Variants in LMOD3 observed in about 807,000 individuals in gnomAD.
The protein encoded by LMOD3 is leiomodin 3.
LMOD3 carries 31 observed loss-of-function variants against 41.8 expected under a neutral mutation model. The observed-to-expected ratio is 0.74, with a 90% CI of 0.56 to 1.00. The LOEUF is 1.00. Ranked by LOEUF, LMOD3 falls within the 50% of genes least tolerant of loss-of-function variation. LMOD3 has a pLI of 0.00. For missense variants in LMOD3, 755 were observed against 679.5 expected, an observed-to-expected ratio of 1.11 and a Z score of -1.23; for synonymous variants, 292 against 241.9, an observed-to-expected ratio of 1.21 and a Z score of -1.92.
chr3:69,110,704 G>T (rs141165977), intron 2 of LMOD3, among the ~76,000 whole-genome samples: 1 of 147,508 alleles, frequency 6.8e-6, no homozygotes, highest in East Asian at 2.1e-4. Context: ...TTAGCTGGGC[G>T]TGGTGGCACG....
intron 2 of LMOD3, among the ~76,000 whole-genome samples, chr3:69,110,853 A>AAAAAAAAAAAAAAAAAAAATATATATAT (rs1458630453): frequency 7.7e-5 from 8 of 104,094 alleles, no homozygotes; most frequent in African/African-American, 3.4e-4. Flanking sequence ...AAAAAAAAAA[A>AAAAAAAAAAAAAAAAAAAATATATATAT]ATATATATAT....
chr3:69,114,096 A>C (rs2092361077), intron 2 of LMOD3, among the ~76,000 whole-genome samples: 1 of 152,254 alleles, frequency 6.6e-6, no homozygotes, highest in Non-Finnish European at 1.5e-5. Flanking sequence ...ACAAAGCAGT[A>C]AGGGCAAAAG....
chr3:69,106,189 A>G lies in LMOD3; in HGVS notation c.*2906T>C, dbSNP rs1204419409. 6.6e-6 allele frequency: 1 copy of G among 152,366 alleles called. No homozygotes were observed. The highest frequency in any genetic ancestry group is 2.4e-5 in the African/African-American group (1 of 41,452). 9.4% of individuals were successfully genotyped at this position (152,366 alleles called of 1,614,324 possible). On this transcript the variant is annotated 3_prime_UTR_variant, in exon 3 of 3. Coordinates refer to ENST00000420581, the MANE Select transcript of LMOD3 (RefSeq NM_198271.5). ...AAATACTGTTTAGTAAAGCTTGAAT[A>G]CTTTATTAACTTGCAGCCAGAATAA...
chr3:69,113,626 TGGATG>T (rs1333186124), intron 2 of LMOD3, among the ~76,000 whole-genome samples: 13 of 152,238 alleles, frequency 8.5e-5, no homozygotes, highest in African/African-American at 3.1e-4. Flanking sequence ...TTTAGCCAAC[TGGATG>T]GGAGCAGTCC....
At chr3:69,118,424 C>A (rs2092387338) in intron 2 of LMOD3, among the ~76,000 whole-genome samples, 1 of 152,114 alleles carries the variant, frequency 6.6e-6, no homozygotes. Context: ...TGAGTTAATT[C>A]ATATAACAAC....
Position 69,110,853 on chromosome 3 carries a change from A to AAAAAAAAAATAT in LMOD3, c.1657-1733_1657-1732insATATTTTTTTTT, listed in dbSNP as rs1458630453. Among the ~76,000 whole-genome samples the AAAAAAAAAATAT allele has an allele frequency of 1.2e-3, 121 of 104,080 alleles. 1 individual carries two copies. Among genetic ancestry groups the AAAAAAAAAATAT allele is most frequent in the African/African-American group, 5.6e-3 (117 of 20,772 alleles). The allele number at this position is 104,080 out of a possible 152,430, so 68.3% of individuals were successfully genotyped here. A position where few individuals can be genotyped will look rare whatever the true frequency, so the allele number is the denominator to read the frequency against. On this transcript the variant is annotated intron_variant, in intron 2 of 2. Coordinates refer to ENST00000420581, the MANE Select transcript of LMOD3 (RefSeq NM_198271.5). ...GACACCATCTCAAAAAAAAAAAAAA[A>AAAAAAAAAATAT]ATATATATATATATATATATATATT...
chr3:69,109,554 G>A (rs1282749187), intron 2 of LMOD3, among the ~76,000 whole-genome samples: 1 of 129,804 alleles, frequency 7.7e-6, no homozygotes, highest in East Asian at 2.5e-4. Flanking sequence ...TTGAGATGGA[G>A]TCTCAGTCTA....
At chr3:69,121,462 A>G in intron 1 of LMOD3, among the ~76,000 whole-genome samples, 1 of 152,234 alleles carries the variant, frequency 6.6e-6, no homozygotes, top group Admixed American at 6.5e-5. Context: ...ATGCTCATGC[A>G]CAGTAAGTTT....
Position 69,118,789 on chromosome 3 carries a change from C to T in LMOD3, c.1566G>A (p.Pro522=), listed in dbSNP as rs765741615. ...CCACCAATGGGGGTGGCCTGTTTCT[C>T]GGCACTGGCTTGAGCGTTTTGATGA... The part of the protein sequence containing the change: ...KDVIKTLKPV[P]RNRPPPLVEI... Residue 522 remains proline (P), a synonymous_variant, in exon 2 of 3, where the codon CCG becomes CCA. Coordinates refer to ENST00000420581, the MANE Select transcript of LMOD3 (RefSeq NM_198271.5). 40 of 1,611,302 alleles carry T rather than the reference C, an allele frequency of 2.5e-5. No homozygotes were observed. In the East Asian group the frequency reaches 8.3e-4, roughly 33 times the overall value.
At position 69,119,013 on chromosome 3, in the gene LMOD3, G is replaced by A. The variant is rs2092391598; in HGVS notation, c.1342C>T (p.Gln448Ter). ...KPDSRMQEFF[Q>*]PPPPRPPNPQ... The stretch of plus-strand genomic sequence containing the variant: ...TTGGGAGGCCGAGGTGGCGGTGGCT[G>A]GAAGAATTCCTGCATTCTGGAATCT... Residue 448 changes from glutamine to a stop codon, truncating the protein, a stop_gained, in exon 2 of 3, where the codon CAG becomes TAG. Coordinates refer to ENST00000420581, the MANE Select transcript of LMOD3 (RefSeq NM_198271.5). LOFTEE classifies it high-confidence loss of function. 1 of 1,613,594 alleles carries A rather than the reference G, an allele frequency of 6.2e-7. No homozygotes were observed.
At chr3:69,118,636 T>C (rs1202014355) in intron 2 of LMOD3, 63 bp downstream of exon 2, 1 of 1,511,118 alleles carries the variant, frequency 6.6e-7, no homozygotes, top group Non-Finnish European at 8.9e-7. Context: ...AGAGAGGGAA[T>C]AAAGTTGGGA....
chr3:69,117,508 C>T (rs907228506), intron 2 of LMOD3, among the ~76,000 whole-genome samples: 8 of 152,084 alleles, frequency 5.3e-5, no homozygotes, highest in African/African-American at 1.2e-4. Context: ...CAATCACCTG[C>T]GGCCTCTGAA....
chr3:69,108,169 C>G lies in LMOD3; in HGVS notation c.*926G>C, dbSNP rs1410360051. ...GTTCAAGTTTAATCCTTCCTGTAAG[C>G]AAGTTTCCTTTAAAATATGTTTGAG... On this transcript the variant is annotated 3_prime_UTR_variant, in exon 3 of 3. Transcript: ENST00000420581. The G allele has an allele frequency of 2.0e-5, 3 of 152,090 alleles. No homozygotes were observed. Among genetic ancestry groups the G allele is most frequent in the African/African-American group, 4.8e-5 (2 of 41,406 alleles). The allele number at this position is 152,090 out of a possible 1,614,324, so 9.4% of individuals were successfully genotyped here. A position where few individuals can be genotyped will look rare whatever the true frequency, so the allele number is the denominator to read the frequency against.
Position 69,119,657 on chromosome 3 carries a change from C to CT in LMOD3, c.697dup (p.Arg233LysfsTer17). 1.2e-6 allele frequency: 2 copies of CT among 1,613,926 alleles called. No individual in the cohort carries two copies. The highest frequency in any genetic ancestry group is 1.7e-6 in the Non-Finnish European group (2 of 1,179,886). On this transcript the variant is annotated frameshift_variant, in exon 2 of 3. Coordinates refer to ENST00000420581, the MANE Select transcript of LMOD3 (RefSeq NM_198271.5). LOFTEE classifies it high-confidence loss of function. ...CAGGTCTGTCTGGTTTCCTGAAGGCCTTGTACTTACCTTCAAAAAGCTGGT... is the reference window on the plus strand; with the variant it reads ...CAGGTCTGTCTGGTTTCCTGAAGGCCTTTGTACTTACCTTCAAAAAGCTGGT...
chr3:69,112,857 T>A (rs747757730), intron 2 of LMOD3, among the ~76,000 whole-genome samples: 5 of 152,202 alleles, frequency 3.3e-5, no homozygotes, highest in Non-Finnish European at 7.3e-5. Flanking sequence ...GTGATTTTGA[T>A]CCACAATAAC....
At chr3:69,110,570 C>T (rs555049449) in intron 2 of LMOD3, among the ~76,000 whole-genome samples, 27 of 148,828 alleles carry the variant, frequency 1.8e-4, no homozygotes, top group African/African-American at 5.9e-4. Context: ...AGGCTGGGCG[C>T]GGTGGCTGAC....
At chr3:69,120,115 G>A (rs2107526996) in intron 1 of LMOD3, 55 bp from the exon 2 acceptor site, 2 of 1,510,074 alleles carry the variant, frequency 1.3e-6, no homozygotes, top group African/African-American at 1.4e-5. Flanking sequence ...AATATGAAGT[G>A]GAGCATCAGC....
rs1486534990 is a variant in LMOD3, at chr3:69,122,366, A to G, written c.21T>C (p.Asn7=). The G allele has an allele frequency of 2.5e-6, 4 of 1,608,512 alleles. No individual in the cohort carries two copies. The highest frequency in any genetic ancestry group is 3.4e-6 in the Non-Finnish European group (4 of 1,175,816). ...CATCGAGAAGTTCTTCTTGATCTGA[A>G]TTTCTGCTGTGCTCTGACATTATTT... MSEHSR[N]SDQEELLDEE... is the part of the protein sequence containing the mutation. The change falls in exon 1 of 3, where the codon AAT becomes AAC. Residue 7 remains asparagine, a synonymous_variant. Coordinates refer to ENST00000420581, the MANE Select transcript of LMOD3 (RefSeq NM_198271.5).
In LMOD3 at chr3:69,119,917, T is replaced by C. The variant is rs758216222; in HGVS notation, c.438A>G (p.Glu146=). The change falls in exon 2 of 3, where the codon GAA becomes GAG. Residue 146 remains glutamate, a synonymous_variant. Coordinates refer to ENST00000420581, the MANE Select transcript of LMOD3 (RefSeq NM_198271.5). Reference sequence around the variant, plus strand: ...CATCATCATCTTCTTCTTCTTCATCTTCTTCATCTGTTTCTTGGATATTGC... The same window carrying C: ...CATCATCATCTTCTTCTTCTTCATCCTCTTCATCTGTTTCTTGGATATTGC... ...GSSNIQETDE[E]DEEEEDDDDD... is the part of the protein sequence containing the mutation. The C allele has an allele frequency of 5.2e-5, 80 of 1,553,106 alleles. No individual in the cohort carries two copies. The highest frequency in any genetic ancestry group is 5.5e-5 in the African/African-American group (4 of 73,272).
Sources: gnomAD v4.1 joint callset for allele counts (sites outside exome capture counted in the v4.1 genomes callset) on GRCh38, gnomAD v4.1.1 for gene constraint, MANE v1.5 for transcripts, NCBI Gene and HGNC (gene_info 2026-07-23, HGNC 2026-07-21) for gene names.